The following HTR3E variants were observed in gnomAD, a reference collection of about 807,000 sequenced individuals.
The protein encoded by HTR3E is 5-hydroxytryptamine receptor 3E, also known as 5-hydroxytryptamine (serotonin) receptor 3, family member E.
A neutral mutation model predicts 38.0 loss-of-function variants in HTR3E; 38 were observed. The ratio of observed to expected loss-of-function variants is 1.00; its 90% confidence interval spans 0.77 to 1.31. The LOEUF is 1.31. HTR3E is among the 50% of genes most tolerant of loss of function. The pLI, the probability that HTR3E is intolerant of heterozygous loss-of-function variation, is 0.00. For missense variants in HTR3E, 547 were observed against 585.2 expected (o/e 0.93, Z 0.67); for synonymous variants, 210 against 232.9 (o/e 0.90, Z 0.89).
At chr3:184,100,353 A>G in intron 1 of HTR3E, 132 bp from the exon 2 acceptor site, 2 of 1,608,228 alleles carry the variant, frequency 1.2e-6, no homozygotes, top group Non-Finnish European at 1.7e-6. Flanking sequence ...TATACCTGAC[A>G]CACAGCCAGT....
At chr3:184,097,727 A>C (rs914506790) in intron 1 of HTR3E, 131 bp downstream of exon 1, 2 of 650,380 alleles carry the variant, frequency 3.1e-6, no homozygotes, top group Non-Finnish European at 5.3e-6. Context: ...TCATAGCTAC[A>C]TTACTAAGAT....
intron 1 of HTR3E, among the ~76,000 whole-genome samples, chr3:184,098,808 C>G (rs1711801506): frequency 6.6e-6 from 1 of 151,908 alleles, no homozygotes; most frequent in Non-Finnish European, 1.5e-5. Context: ...ACTTGGGACG[C>G]TGAGGCAGGC....
Position 184,105,408 on chromosome 3 carries a change from A to G in HTR3E, c.701A>G (p.Tyr234Cys), listed in dbSNP as rs1225555939. The G allele has an allele frequency of 1.9e-6, 3 of 1,612,820 alleles. No individual in the cohort carries two copies. Among genetic ancestry groups the G allele is most frequent in the Non-Finnish European group, 2.5e-6 (3 of 1,179,658 alleles). Residue 234 changes from tyrosine (Y) to cysteine (C), a missense_variant, in exon 6 of 9, where the codon TAT becomes TGT. Tyr to Cys is a radical substitution (Grantham distance 194). Transcript: ENST00000415389. ...TAKLSRGGNL[Y>C]DQIVFYVAIR... is the part of the protein sequence containing the mutation. ...AAGTTGTCCAGGGGAGGCAACCTGT[A>G]TGATCAGATCGTGTTCTATGTGAGC...
chr3:184,097,839 A>AC (rs1711747327), intron 1 of HTR3E, among the ~76,000 whole-genome samples: 1 of 152,210 alleles, frequency 6.6e-6, no homozygotes, highest in Admixed American at 6.5e-5. Context: ...AGAGTTCAAC[A>AC]CCAGCAAACT....
In HTR3E at chr3:184,105,425, T is replaced by C; in HGVS notation, c.718T>C (p.Tyr240His). ...CAACCTGTATGATCAGATCGTGTTC[T>C]ATGTGAGCTTGGAGGCTCTTACTCT... ...GGNLYDQIVFYVAIRRRPSLY... is the reference protein window; with the variant it reads ...GGNLYDQIVFHVAIRRRPSLY... The change falls in exon 6 of 9, where the codon TAT (tyrosine) becomes CAT (histidine). Residue 240 changes from tyrosine (Y) to histidine (H), a missense_variant and splice_region_variant. Transcript: ENST00000415389. 1.2e-6 allele frequency: 2 copies of C among 1,601,854 alleles called. No individual in the cohort carries two copies. Among genetic ancestry groups the C allele is most frequent in the Non-Finnish European group, 1.7e-6 (2 of 1,175,176 alleles).
intron 3 of HTR3E, among the ~76,000 whole-genome samples, chr3:184,103,712 G>A (rs1301234352): frequency 6.6e-6 from 1 of 150,762 alleles, no homozygotes; most frequent in African/African-American, 2.4e-5. Context: ...CAGGAGAATC[G>A]CTTGAACCCG....
At chr3:184,101,809 G>A (rs1463638638) in intron 3 of HTR3E, among the ~76,000 whole-genome samples, 1 of 152,134 alleles carries the variant, frequency 6.6e-6, no homozygotes, top group African/African-American at 2.4e-5. Flanking sequence ...GGCCAACATG[G>A]TGAAACCCCA....
chr3:184,099,570 C>A (rs953328876), intron 1 of HTR3E, among the ~76,000 whole-genome samples: 2 of 150,790 alleles, frequency 1.3e-5, no homozygotes, highest in Non-Finnish European at 3.0e-5. Flanking sequence ...AAAAATTAGC[C>A]GGGCGCGGTG....
intron 2 of HTR3E, among the ~76,000 whole-genome samples, chr3:184,101,118 A>G (rs1164041411): frequency 2.0e-5 from 3 of 152,108 alleles, no homozygotes; most frequent in Middle Eastern, 3.4e-3. Flanking sequence ...TAATTTTTGT[A>G]CTTTTAGTAG....
chr3:184,106,117 C>T lies in HTR3E; in HGVS notation c.926-11C>T. The T allele has an allele frequency of 1.2e-6, 2 of 1,613,682 alleles. No homozygotes were observed. The highest frequency in any genetic ancestry group is 1.7e-6 in the Non-Finnish European group (2 of 1,180,012). ...TGCCTCTGGCCCTCACTAGGCCCCC[C>T]TTCCCTCCAGGTGTCTACTTCGCCC... On this transcript the variant is annotated splice_polypyrimidine_tract_variant and intron_variant, in intron 7 of 8. Transcript: ENST00000415389. This position sits in a 1 kb window ranked among gnomAD's most constrained non-coding sequence, Gnocchi z 4.1.
intron 1 of HTR3E, among the ~76,000 whole-genome samples, chr3:184,098,806 C>G (rs6443949): frequency 0.57 from 86,672 of 151,830 alleles, 26,445 homozygotes; most frequent in African/African-American, 0.79. Flanking sequence ...GCACTTGGGA[C>G]GCTGAGGCAG....
chr3:184,104,088 T>A (rs1041339190), intron 3 of HTR3E, 94 bp from the exon 4 acceptor site: 42 of 791,676 alleles, frequency 5.3e-5, no homozygotes, highest in Non-Finnish European at 7.7e-5. Context: ...GCATTTTATA[T>A]ATTTTTCTAT....
Position 184,106,510 on chromosome 3 carries a change from G to C in HTR3E, c.1188G>C (p.Ala396=). The C allele has an allele frequency of 1.2e-6, 2 of 1,611,966 alleles. No individual in the cohort carries two copies. The highest frequency in any genetic ancestry group is 1.7e-6 in the Non-Finnish European group (2 of 1,178,802). Residue 396 remains alanine, a synonymous_variant, in exon 9 of 9, where the codon GCG becomes GCC. Transcript: ENST00000415389. The surrounding 1 kb of genome is among the most constrained non-coding windows in gnomAD (Gnocchi z 4.1). ...EVSAGQMPGP[A]EAELTGGSEW... is the part of the protein sequence containing the mutation. ...CAGCAGGGCAGATGCCGGGCCCTGCGGAGGCAGAGCTGACAGGGGGCTCAG... is the reference window on the plus strand; with the variant it reads ...CAGCAGGGCAGATGCCGGGCCCTGCCGAGGCAGAGCTGACAGGGGGCTCAG...
chr3:184,100,738 A>G, intron 2 of HTR3E, 87 bp downstream of exon 2: 1 of 1,533,956 alleles, frequency 6.5e-7, no homozygotes, highest in Non-Finnish European at 8.8e-7. Context: ...CCTTATCCAC[A>G]TTTCTGCTTC....
chr3:184,103,516 C>T (rs1340935641), intron 3 of HTR3E, among the ~76,000 whole-genome samples: 2 of 151,636 alleles, frequency 1.3e-5, no homozygotes, highest in Non-Finnish European at 2.9e-5. Context: ...GTAGTCCCAG[C>T]TACTCGGGAG....
chr3:184,104,260 C>T lies in HTR3E; in HGVS notation c.358C>T (p.Leu120=), dbSNP rs200283686. 1 of 1,613,082 alleles carries T rather than the reference C, an allele frequency of 6.2e-7. No individual in the cohort carries two copies. Among genetic ancestry groups the T allele is most frequent in the Admixed American group, 1.7e-5 (1 of 59,928 alleles). ...ITKMSMAAKN[L]WLPDIFIIEL... ...GAAGATGAGTATGGCAGCCAAGAAC[C>T]TGTGGCTCCCAGACATTTTCATCAT... The change falls in exon 4 of 9, where the codon CTG becomes TTG. Residue 120 remains leucine, a synonymous_variant. Transcript: ENST00000415389.
In HTR3E at chr3:184,101,545, T is replaced by C; in HGVS notation, c.279+16T>C. 1 of 1,593,454 alleles carries C rather than the reference T, an allele frequency of 6.3e-7. No homozygotes were observed. The highest frequency in any genetic ancestry group is 1.3e-5 in the African/African-American group (1 of 74,654). ...GCTGGAAATGGTATGGACAACACTT[T>C]ATTCTCTCCCTACAGTTACAGTCAA... On this transcript the variant is annotated intron_variant, in intron 3 of 8. Coordinates refer to ENST00000415389, the MANE Select transcript of HTR3E (RefSeq NM_001256613.2).
At chr3:184,099,900 G>A (rs1291136202) in intron 1 of HTR3E, among the ~76,000 whole-genome samples, 2 of 152,096 alleles carry the variant, frequency 1.3e-5, no homozygotes, top group East Asian at 3.9e-4. Context: ...CGGGGCCCCG[G>A]GACTGTAATC....
chr3:184,104,035 A>T, intron 3 of HTR3E, 147 bp from the exon 4 acceptor site: 2 of 508,874 alleles, frequency 3.9e-6, no homozygotes, highest in Non-Finnish European at 6.5e-6. Flanking sequence ...ATAAAATATT[A>T]ATGCCACAAA....
Sources: gnomAD v4.1 joint callset for allele counts (sites outside exome capture counted in the v4.1 genomes callset) on GRCh38, gnomAD v4.1.1 for gene constraint, Gnocchi (gnomAD v3.1) non-coding constraint, MANE v1.5 for transcripts, NCBI Gene and HGNC (gene_info 2026-07-23, HGNC 2026-07-21) for gene names.